Variants in IFT57 observed in about 807,000 individuals in gnomAD.
IFT57 encodes the protein intraflagellar transport 57.
Under a neutral mutation model 56.8 loss-of-function variants are expected in IFT57, and 59 were observed. That is an observed-to-expected ratio of 1.04 (90% confidence interval 0.84 to 1.29). The LOEUF (loss-of-function observed/expected upper bound fraction) is 1.29, where lower values mean the gene tolerates loss of function less well. Ranked by LOEUF, IFT57 falls within the 50% of genes most tolerant of loss-of-function variation. IFT57 has a pLI of 0.00. For synonymous variants in IFT57, 209 were observed against 186.1 expected (o/e 1.12, Z -1.00); for missense variants, 470 against 522.1 (o/e 0.90, Z 0.97).
chr3:108,212,492 A>T (rs1210587352), intron 4 of IFT57, among the ~76,000 whole-genome samples: 1 of 152,058 alleles, frequency 6.6e-6, no homozygotes, highest in Non-Finnish European at 1.5e-5. Context: ...TTGTCTTACC[A>T]TGATTGTAAG....
At chr3:108,177,754 T>C (rs1188213926) in intron 6 of IFT57, among the ~76,000 whole-genome samples, 1 of 151,922 alleles carries the variant, frequency 6.6e-6, no homozygotes, top group East Asian at 1.9e-4. Flanking sequence ...GATAATATCA[T>C]ACTTAATGGT....
Position 108,167,833 on chromosome 3 carries a change from TG to T in IFT57, c.808del (p.Gln270SerfsTer10). On this transcript the variant is annotated frameshift_variant, in exon 7 of 11. Transcript: ENST00000264538. LOFTEE classifies it high-confidence loss of function. ...DWRIHVDQMH[Q>X]HRSGIESALK... ...AGCAGATTCAATTCCACTTCTGTGCTGGTGCATTTGGTCAACATGGATTCTC... is the reference window on the plus strand; with the variant it reads ...AGCAGATTCAATTCCACTTCTGTGCTGTGCATTTGGTCAACATGGATTCTC... 6.3e-7 allele frequency: 1 copy of T among 1,592,540 alleles called. No homozygotes were observed. The highest frequency in any genetic ancestry group is 8.5e-7 in the Non-Finnish European group (1 of 1,170,094).
Position 108,206,692 on chromosome 3 carries a change from T to A in IFT57, c.590A>T (p.Glu197Val). ...LNKVDEEFVE[E>V]ETDNEENFID... ...AAAGTTTTCTTCATTATCTGTCTCT[T>A]CTTCCTTAGAAAATAAATTTTTAAA... Residue 197 changes from glutamate to valine, a missense_variant, in exon 5 of 11, where the codon GAA (glutamate) becomes GTA (valine). Physicochemically the swap from Glu to Val is moderately radical, Grantham distance 121. Coordinates refer to ENST00000264538, the MANE Select transcript of IFT57 (RefSeq NM_018010.4). The A allele has an allele frequency of 1.6e-6, 2 of 1,233,320 alleles. No individual in the cohort carries two copies. The highest frequency in any genetic ancestry group is 2.2e-6 in the Non-Finnish European group (2 of 924,282). 76.4% of individuals were successfully genotyped at this position (1,233,320 alleles called of 1,614,324 possible).
intron 6 of IFT57, among the ~76,000 whole-genome samples, chr3:108,183,173 A>AT (rs1232909731): frequency 2.0e-5 from 3 of 152,084 alleles, no homozygotes; most frequent in Admixed American, 2.0e-4. Context: ...TTCCATTGTG[A>AT]TTTAAAAAAA....
rs557032160 is a variant in IFT57, at chr3:108,220,239, A to C, written c.213-667T>G. Among the ~76,000 whole-genome samples, 164 of 152,360 alleles carry C rather than the reference A, an allele frequency of 1.1e-3. 1 individual carries two copies. The highest frequency in any genetic ancestry group is 3.8e-3 in the African/African-American group (159 of 41,588). On this transcript the variant is annotated intron_variant, in intron 1 of 10. Coordinates refer to ENST00000264538, the MANE Select transcript of IFT57 (RefSeq NM_018010.4). Reference sequence around the variant, plus strand: ...GTCAAACATCTGTGGGCTCTTGCTTAATCCCCTAGTCTACTAAACACAGTT... The same window carrying C: ...GTCAAACATCTGTGGGCTCTTGCTTCATCCCCTAGTCTACTAAACACAGTT...
chr3:108,211,796 C>G (rs1431617820), intron 4 of IFT57, among the ~76,000 whole-genome samples: 2 of 151,998 alleles, frequency 1.3e-5, no homozygotes, highest in African/African-American at 4.8e-5. Flanking sequence ...CTTAAAAATA[C>G]AAAGCATAGA....
At chr3:108,196,814 T>C (rs2080247047) in intron 5 of IFT57, among the ~76,000 whole-genome samples, 1 of 152,338 alleles carries the variant, frequency 6.6e-6, no homozygotes, top group Non-Finnish European at 1.5e-5. Flanking sequence ...TCTACATCCA[T>C]GTTTGCATAT....
In IFT57 at chr3:108,177,054, T is replaced by C. The variant is rs9826962; in HGVS notation, c.778-9190A>G. 4.6e-3 allele frequency among the ~76,000 whole-genome samples: 696 copies of C among 151,886 alleles called. 3 individuals carry two copies. Among genetic ancestry groups the C allele is most frequent in the African/African-American group, 0.016 (668 of 41,506 alleles). On this transcript the variant is annotated intron_variant, in intron 6 of 10. Transcript: ENST00000264538. The stretch of plus-strand genomic sequence containing the variant: ...CAATGACCACTATATTATAACATCA[T>C]TTTCCTTGATAAAATGTAGTAAAGT...
At chr3:108,187,635 T>G (rs1192727925) in intron 6 of IFT57, among the ~76,000 whole-genome samples, 1 of 147,068 alleles carries the variant, frequency 6.8e-6, no homozygotes, top group Non-Finnish European at 1.5e-5. Context: ...CTCAGAAGGG[T>G]GCCTGATTAA....
rs768554501 is a variant in IFT57, at chr3:108,167,874, T to C, written c.778-10A>G. ...CATGGATTCTCCAATCCTACAGGCA[T>C]AGAGCACATAGAAATAATGTAAAAA... On this transcript the variant is annotated splice_polypyrimidine_tract_variant and intron_variant, in intron 6 of 10. Coordinates refer to ENST00000264538, the MANE Select transcript of IFT57 (RefSeq NM_018010.4). The C allele has an allele frequency of 3.9e-6, 6 of 1,557,972 alleles. No homozygotes were observed. The highest frequency in any genetic ancestry group is 2.8e-5 in the African/African-American group (2 of 72,266).
In IFT57 at chr3:108,219,567, T is replaced by C. The variant is rs377265720; in HGVS notation, c.218A>G (p.Tyr73Cys). The C allele has an allele frequency of 8.1e-6, 13 of 1,613,312 alleles. No homozygotes were observed. In the South Asian group the frequency reaches 1.3e-4, roughly 16 times the overall value. The change falls in exon 2 of 11, where the codon TAT becomes TGT. Residue 73 changes from tyrosine (Y) to cysteine (C), a missense_variant. Transcript: ENST00000264538. ...GCCAGGGTTGGTAGGCAGTGCAAAA[T>C]AGTGTCTGTTTCAAAACAAGGAGGA... ...KSNLKAPSRH[Y>C]FALPTNPGEQ...
At position 108,163,709 on chromosome 3, in the gene IFT57, C is replaced by T; in HGVS notation, c.1065G>A (p.Lys355=). 2 of 1,609,196 alleles carry T rather than the reference C, an allele frequency of 1.2e-6. No individual in the cohort carries two copies. Among genetic ancestry groups the T allele is most frequent in the Non-Finnish European group, 1.7e-6 (2 of 1,176,500 alleles). Residue 355 remains lysine, a synonymous_variant, in exon 10 of 11, where the codon AAG becomes AAA. Coordinates refer to ENST00000264538, the MANE Select transcript of IFT57 (RefSeq NM_018010.4). ...LLSEVMEELE[K]VKQEMEEKGS... ...CCTTTTCTTCCATTTCTTGTTTTAC[C>T]TTTTCTAATTCTTCCATAACCTTTC...
intron 5 of IFT57, among the ~76,000 whole-genome samples, chr3:108,197,770 G>A (rs1281432040): frequency 1.3e-5 from 2 of 152,150 alleles, no homozygotes; most frequent in African/African-American, 4.8e-5. Flanking sequence ...TAAATGTTAA[G>A]AGGATGGGTC....
intron 5 of IFT57, among the ~76,000 whole-genome samples, chr3:108,205,966 A>AT (rs1560122238): frequency 2.4e-3 from 185 of 77,550 alleles, no homozygotes; most frequent in African/African-American, 7.4e-3. Flanking sequence ...TAAATATATT[A>AT]TATATTTATA....
intron 4 of IFT57, 171 bp downstream of exon 4, chr3:108,213,760 T>C (rs1230221237): frequency 5.7e-6 from 3 of 524,666 alleles, no homozygotes; most frequent in East Asian, 5.9e-5. Context: ...ATACAAACAT[T>C]AACTTAACCA....
chr3:108,214,504 A>C (rs2080360090), intron 3 of IFT57, among the ~76,000 whole-genome samples: 2 of 152,158 alleles, frequency 1.3e-5, no homozygotes. Context: ...AACTTTGTAC[A>C]GTATTGTTTT....
At chr3:108,209,916 A>ATGTGTGTG (rs35248776) in intron 4 of IFT57, among the ~76,000 whole-genome samples, 80 of 149,928 alleles carry the variant, frequency 5.3e-4, no homozygotes, top group Admixed American at 7.3e-4. Context: ...CTTTTTCTAT[A>ATGTGTGTG]TGTGTGTGTG....
At chr3:108,172,487 G>C (rs1293316659) in intron 6 of IFT57, among the ~76,000 whole-genome samples, 1 of 151,878 alleles carries the variant, frequency 6.6e-6, no homozygotes. Context: ...TGTATGTTTT[G>C]AGAAAGTAAC....
chr3:108,191,392 A>G, intron 6 of IFT57, 129 bp downstream of exon 6: 1 of 544,972 alleles, frequency 1.8e-6, no homozygotes, highest in Non-Finnish European at 3.0e-6. Flanking sequence ...ATCCTTATTA[A>G]GACAAAATGC....
Sources: allele counts gnomAD v4.1 joint callset (sites outside exome capture counted in the v4.1 genomes callset), GRCh38; gene constraint gnomAD v4.1.1; transcripts MANE v1.5; gene names NCBI Gene and HGNC (gene_info 2026-07-23, HGNC 2026-07-21).